Variants in EPHB1 observed in about 807,000 individuals in gnomAD.
EPHB1 encodes ephrin type-B receptor 1.
EPHB1 carries 30 observed loss-of-function variants against 94.4 expected under a neutral mutation model. That is an observed-to-expected ratio of 0.32 (90% CI 0.24 to 0.43). EPHB1 has a LOEUF of 0.43. Ranked by LOEUF, EPHB1 falls within the 20% of genes least tolerant of loss-of-function variation. The pLI is 1.00. For synonymous variants in EPHB1, 522 were observed against 489.1 expected, an observed-to-expected ratio of 1.07 and a Z score of -0.89; for missense variants, 1,055 against 1,308.3, an observed-to-expected ratio of 0.81 and a Z score of 2.99.
intron 12 of EPHB1, among the ~76,000 whole-genome samples, chr3:135,226,892 T>C (rs1254058360): frequency 2.0e-5 from 3 of 150,714 alleles, no homozygotes; most frequent in Admixed American, 2.0e-4. Flanking sequence ...CTGGATGATA[T>C]AGTCCTAAGT....
chr3:134,907,660 C>T (rs950671111), intron 1 of EPHB1, among the ~76,000 whole-genome samples: 1 of 151,888 alleles, frequency 6.6e-6, no homozygotes, highest in Admixed American at 6.6e-5. Context: ...CCTGCCCGCC[C>T]CCTCCCCACC....
intron 3 of EPHB1, among the ~76,000 whole-genome samples, chr3:134,956,779 A>T (rs1356629893): frequency 6.6e-6 from 1 of 152,126 alleles, no homozygotes; most frequent in African/African-American, 2.4e-5. Flanking sequence ...GCTAGGTGTC[A>T]TTGTCCTTAA....
Position 135,249,364 on chromosome 3 carries a change from A to T in EPHB1, c.2719A>T (p.Ile907Phe), listed in dbSNP as rs748918076. ...TTCCCAGCCCCTGCTCGACCGCTCC[A>T]TCCCAGACTTCACGGCCTTTACCAC... ...VPSQPLLDRSIPDFTAFTTVD... is the reference protein window; with the variant it reads ...VPSQPLLDRSFPDFTAFTTVD... The change falls in exon 15 of 16, where the codon ATC becomes TTC. Residue 907 changes from isoleucine (I) to phenylalanine (F), a missense_variant. By Grantham distance (21) the Ile-to-Phe change is conservative (BLOSUM62 0). Transcript: ENST00000398015. The T allele has an allele frequency of 7.4e-6, 12 of 1,613,754 alleles. No individual in the cohort carries two copies. Among genetic ancestry groups the T allele is most frequent in the Middle Eastern group, 1.7e-4 (1 of 6,060 alleles).
At chr3:134,953,929 G>A (rs749544261) in intron 3 of EPHB1, among the ~76,000 whole-genome samples, 2 of 152,154 alleles carry the variant, frequency 1.3e-5, no homozygotes, top group East Asian at 3.8e-4. Context: ...TCCCAGTCTC[G>A]ATCCCCTCCT....
At chr3:135,043,350 A>G (rs543852422) in intron 3 of EPHB1, among the ~76,000 whole-genome samples, 2 of 152,094 alleles carry the variant, frequency 1.3e-5, no homozygotes, top group South Asian at 2.1e-4. Context: ...GTAATCTTCT[A>G]TCTGTTAGAA....
intron 1 of EPHB1, among the ~76,000 whole-genome samples, chr3:134,896,855 C>T (rs530569155): frequency 5.8e-4 from 88 of 152,330 alleles, no homozygotes; most frequent in African/African-American, 1.9e-3. Flanking sequence ...GGTGTCCAAG[C>T]GAGTGGAGGT....
At chr3:135,140,161 C>T (rs1046091122) in intron 5 of EPHB1, among the ~76,000 whole-genome samples, 2 of 152,086 alleles carry the variant, frequency 1.3e-5, no homozygotes, top group Non-Finnish European at 1.5e-5. Context: ...TTGTTATAAC[C>T]CTTATTGGAG....
chr3:135,180,481 C>A (rs1158514493), intron 10 of EPHB1, among the ~76,000 whole-genome samples: 5 of 152,006 alleles, frequency 3.3e-5, no homozygotes, highest in African/African-American at 1.2e-4. Context: ...CTATCACCTT[C>A]TTTTTTTTGT....
intron 2 of EPHB1, among the ~76,000 whole-genome samples, chr3:134,934,434 G>T (rs1018968944): frequency 6.6e-6 from 1 of 152,264 alleles, no homozygotes; most frequent in South Asian, 2.1e-4. Context: ...AGGGCCGTGC[G>T]TGGGTGGACC....
intron 1 of EPHB1, among the ~76,000 whole-genome samples, chr3:134,884,057 C>T (rs780359389): frequency 3.3e-5 from 5 of 152,208 alleles, no homozygotes; most frequent in East Asian, 1.9e-4. Context: ...CAGGTCCATC[C>T]GTGCTAGAGC....
intron 1 of EPHB1, among the ~76,000 whole-genome samples, chr3:134,816,018 G>A (rs1012541471): frequency 6.6e-6 from 1 of 152,188 alleles, no homozygotes; most frequent in Admixed American, 6.5e-5. Flanking sequence ...GCCACACGCC[G>A]TGTCCTCTGC....
rs553037788 is a variant in EPHB1, at chr3:134,993,160, CTCTG to C, written c.805+41114_805+41117del. On this transcript the variant is annotated intron_variant, in intron 3 of 15. Transcript: ENST00000398015. ...AGAGGTTGCTAGTCTGCAGTTCTTG[CTCTG>C]TCTGTTTCTAAGCCAAAACAGCACA... 1.1e-4 allele frequency among the ~76,000 whole-genome samples: 17 copies of C among 152,344 alleles called. No individual in the cohort carries two copies. In the East Asian group the frequency reaches 3.3e-3, roughly 29 times the overall value.
At chr3:135,073,538 A>C (rs1412807582) in intron 3 of EPHB1, among the ~76,000 whole-genome samples, 1 of 152,206 alleles carries the variant, frequency 6.6e-6, no homozygotes, top group East Asian at 1.9e-4. Context: ...CATATCTCTA[A>C]GAGATAAGAA....
At chr3:134,984,485 C>T (rs1424829500) in intron 3 of EPHB1, among the ~76,000 whole-genome samples, 2 of 152,184 alleles carry the variant, frequency 1.3e-5, no homozygotes, top group Non-Finnish European at 2.9e-5. Flanking sequence ...TCAGAACAAA[C>T]AGAATATTTA....
intron 1 of EPHB1, among the ~76,000 whole-genome samples, chr3:134,829,163 GAC>G (rs1344328496): frequency 6.6e-6 from 1 of 152,244 alleles, no homozygotes; most frequent in African/African-American, 2.4e-5. Flanking sequence ...AATTCTGTGA[GAC>G]ACACAATTAT....
chr3:135,177,582 CT>C (rs1360220870), intron 9 of EPHB1, among the ~76,000 whole-genome samples: 4 of 152,222 alleles, frequency 2.6e-5, no homozygotes, highest in African/African-American at 9.6e-5. Flanking sequence ...GGAATTAGGC[CT>C]GCTCAATGAC....
In EPHB1 at chr3:135,252,507, T is replaced by C. The variant is rs572046377; in HGVS notation, c.2846+3016T>C. Among the ~76,000 whole-genome samples the C allele has an allele frequency of 2.7e-4, 41 of 150,124 alleles. No homozygotes were observed. In the South Asian group the frequency reaches 8.6e-3, roughly 32 times the overall value. ...CCCGATAGTTTACTGAGAATGATGA[T>C]TTCCAATTTCATCCATGTCCCTACA... On this transcript the variant is annotated intron_variant, in intron 15 of 15. Transcript: ENST00000398015.
chr3:135,069,646 C>A (rs913850811), intron 3 of EPHB1, among the ~76,000 whole-genome samples: 3 of 152,134 alleles, frequency 2.0e-5, no homozygotes, highest in Non-Finnish European at 4.4e-5. Flanking sequence ...CTTCCAGAGC[C>A]CAAGTGCTGC....
chr3:134,989,497 G>GCACACACACACA (rs61202894), intron 3 of EPHB1, among the ~76,000 whole-genome samples: 3 of 149,868 alleles, frequency 2.0e-5, no homozygotes, highest in Admixed American at 6.7e-5. Context: ...ACGCGCGCGT[G>GCACACACACACA]CACACACACA....
Sources: gnomAD v4.1 joint callset for allele counts (sites outside exome capture counted in the v4.1 genomes callset) on GRCh38, gnomAD v4.1.1 for gene constraint, MANE v1.5 for transcripts, NCBI Gene and HGNC (gene_info 2026-07-23, HGNC 2026-07-21) for gene names.